The following CNTNAP2 variants were observed in gnomAD, a reference collection of about 807,000 sequenced individuals.
The protein encoded by CNTNAP2 is contactin-associated protein-like 2.
A neutral mutation model predicts 155.2 loss-of-function variants in CNTNAP2; 98 were observed. That is an observed-to-expected ratio of 0.63 (90% confidence interval 0.54 to 0.75). The LOEUF is 0.75. CNTNAP2 is among the 30% of genes least tolerant of loss of function. CNTNAP2 has a pLI of 0.00. For missense variants in CNTNAP2, 1,727 were observed against 1,688.1 expected (o/e 1.02, Z -0.40); for synonymous variants, 651 against 631.2 (o/e 1.03, Z -0.47).
At chr7:147,354,637 A>G (rs1181783807) in intron 9 of CNTNAP2, among the ~76,000 whole-genome samples, 4 of 152,090 alleles carry the variant, frequency 2.6e-5, no homozygotes, top group African/African-American at 7.2e-5. Context: ...TTGGTTCCAT[A>G]TGAAATTTAA....
intron 1 of CNTNAP2, among the ~76,000 whole-genome samples, chr7:146,298,138 G>C (rs1800545760): frequency 6.6e-6 from 1 of 152,300 alleles, no homozygotes; most frequent in South Asian, 2.1e-4. Context: ...AATAAGGCAA[G>C]GGAGGACAAG....
Position 148,405,497 on chromosome 7 carries a change from G to A in CNTNAP2, c.3716-3894G>A, listed in dbSNP as rs377131119. 7.1e-4 allele frequency among the ~76,000 whole-genome samples: 98 copies of A among 137,246 alleles called. No individual in the cohort carries two copies. The Middle Eastern group carries it at 0.021, about 29-fold the overall frequency. The allele number at this position is 137,246 out of a possible 152,430, so 90.0% of individuals were successfully genotyped here. ...GGGTGGAGTGCAGTGGTGCAATCTC[G>A]GCTCGCTACAACCTCCGCCTCCCAG... On this transcript the variant is annotated intron_variant, in intron 22 of 23. Coordinates refer to ENST00000361727, the MANE Select transcript of CNTNAP2 (RefSeq NM_014141.6).
chr7:147,997,861 T>C (rs758494215), intron 15 of CNTNAP2, among the ~76,000 whole-genome samples: 2 of 152,118 alleles, frequency 1.3e-5, no homozygotes, highest in African/African-American at 2.4e-5. Context: ...TGTTCATACG[T>C]CTCATGTCTC....
At chr7:146,933,886 A>G (rs1796845811) in intron 3 of CNTNAP2, among the ~76,000 whole-genome samples, 2 of 151,828 alleles carry the variant, frequency 1.3e-5, no homozygotes, top group Non-Finnish European at 3.0e-5. Context: ...CAAAACCACA[A>G]TGAGATACCA....
At chr7:146,667,182 T>A (rs948079463) in intron 1 of CNTNAP2, among the ~76,000 whole-genome samples, 2 of 152,220 alleles carry the variant, frequency 1.3e-5, no homozygotes, top group Non-Finnish European at 2.9e-5. Flanking sequence ...GGTGGGGGAT[T>A]AGTTACTTTC....
chr7:148,269,516 G>C (rs528443990), intron 21 of CNTNAP2, among the ~76,000 whole-genome samples: 5 of 152,220 alleles, frequency 3.3e-5, no homozygotes, highest in Non-Finnish European at 7.3e-5. Flanking sequence ...CCAATGAAAT[G>C]AGATCCCTGA....
chr7:146,939,363 A>G (rs1257547815), intron 3 of CNTNAP2, among the ~76,000 whole-genome samples: 1 of 152,236 alleles, frequency 6.6e-6, no homozygotes. Flanking sequence ...AATTCAATAT[A>G]GCAAATGTGC....
intron 1 of CNTNAP2, among the ~76,000 whole-genome samples, chr7:146,643,478 A>G (rs938002913): frequency 7.2e-5 from 11 of 152,040 alleles, no homozygotes; most frequent in East Asian, 3.9e-4. Context: ...GTAGATATGC[A>G]GCGTTATTTC....
chr7:146,568,239 C>T (rs1459035096), intron 1 of CNTNAP2, among the ~76,000 whole-genome samples: 2 of 152,118 alleles, frequency 1.3e-5, no homozygotes, highest in Non-Finnish European at 2.9e-5. Flanking sequence ...GAACAGCATA[C>T]GTAATCTACT....
In CNTNAP2 at chr7:147,418,619, T is replaced by C. The variant is rs114785213; in HGVS notation, c.1670+22839T>C. ...CAGTGAGTCGTAATTAGGATTAGGC[T>C]TGGGAAACAAGTTCACTTATATTAT... On this transcript the variant is annotated intron_variant, in intron 10 of 23. Coordinates refer to ENST00000361727, the MANE Select transcript of CNTNAP2 (RefSeq NM_014141.6). Among the ~76,000 whole-genome samples the C allele has an allele frequency of 7.3e-3, 1,110 of 152,352 alleles. 15 individuals are homozygous for C. The highest frequency in any genetic ancestry group is 0.025 in the African/African-American group (1,035 of 41,570).
chr7:146,688,356 C>T (rs886562571), intron 1 of CNTNAP2, among the ~76,000 whole-genome samples: 1 of 152,026 alleles, frequency 6.6e-6, no homozygotes, highest in Non-Finnish European at 1.5e-5. Flanking sequence ...CCATGTGAAG[C>T]GACCACCACA....
intron 13 of CNTNAP2, among the ~76,000 whole-genome samples, chr7:147,756,824 C>T (rs1195351428): frequency 1.3e-5 from 2 of 152,092 alleles, no homozygotes; most frequent in Non-Finnish European, 2.9e-5. Context: ...AAGAAATAAA[C>T]CCTTCATCAG....
intron 1 of CNTNAP2, among the ~76,000 whole-genome samples, chr7:146,122,452 T>C (rs187396827): frequency 6.6e-6 from 1 of 152,352 alleles, no homozygotes; most frequent in Admixed American, 6.5e-5. Flanking sequence ...AATCTAGAAC[T>C]CAGAGAAGGG....
rs914500114 is a variant in CNTNAP2 at position 147,347,086 on chromosome 7, G to A, written c.1498+46796G>A. Among the ~76,000 whole-genome samples, 5 of 152,242 alleles carry A rather than the reference G, an allele frequency of 3.3e-5. 1 individual carries two copies. In the Middle Eastern group the frequency reaches 0.017, roughly 521 times the overall value. ...GGAAGAGATATAATTACAGAGGCAAGGCACTAGGGTAAAATTATCTTATCT... is the reference window on the plus strand; with the variant it reads ...GGAAGAGATATAATTACAGAGGCAAAGCACTAGGGTAAAATTATCTTATCT... On this transcript the variant is annotated intron_variant, in intron 9 of 23. Transcript: ENST00000361727.
rs536651956 is a variant in CNTNAP2, at chr7:146,793,369, C to T, written c.208+18988C>T. ...GTCTCTCAGGCATGTGTTAGTCCTT[C>T]TAGCAACATGCCAAGTCTGAGTAGC... is the stretch of plus-strand genomic sequence containing the variant. On this transcript the variant is annotated intron_variant, in intron 2 of 23. Coordinates refer to ENST00000361727, the MANE Select transcript of CNTNAP2 (RefSeq NM_014141.6). 1.4e-4 allele frequency among the ~76,000 whole-genome samples: 21 copies of T among 152,318 alleles called. No individual in the cohort carries two copies. In the South Asian group the frequency reaches 1.9e-3, roughly 14 times the overall value.
chr7:146,647,473 CTT>C (rs1362157199), intron 1 of CNTNAP2, among the ~76,000 whole-genome samples: 1 of 152,088 alleles, frequency 6.6e-6, no homozygotes, highest in Admixed American at 6.6e-5. Flanking sequence ...TCAAACTTCT[CTT>C]GTTTGTTTCT....
In CNTNAP2 at chr7:148,409,432, A is replaced by G. The variant is rs762144088; in HGVS notation, c.3757A>G (p.Ile1253Val). 5.0e-6 allele frequency: 8 copies of G among 1,613,810 alleles called. No individual in the cohort carries two copies. In the African/African-American group the frequency reaches 8.0e-5, roughly 16 times the overall value. Residue 1253 changes from isoleucine (I) to valine (V), a missense_variant, in exon 23 of 24, where the codon ATA becomes GTA. By Grantham distance (29) the Ile-to-Val change is conservative. Transcript: ENST00000361727. Reference sequence around the variant, plus strand: ...ATATAATCCAGGACAAGGCCAAGCTATAAGAAATGGAGTCAACAGAAACTC... The same window carrying G: ...ATATAATCCAGGACAAGGCCAAGCTGTAAGAAATGGAGTCAACAGAAACTC... Reference protein sequence around the residue: ...FPYNPGQGQAIRNGVNRNSAI... With the variant: ...FPYNPGQGQAVRNGVNRNSAI...
At chr7:147,980,800 G>A (rs961326574) in intron 15 of CNTNAP2, among the ~76,000 whole-genome samples, 12 of 151,340 alleles carry the variant, frequency 7.9e-5, no homozygotes, top group African/African-American at 1.5e-4. Flanking sequence ...GCGTGGTGGC[G>A]GGCACCTGTA....
intron 8 of CNTNAP2, among the ~76,000 whole-genome samples, chr7:147,257,374 C>T (rs1025229153): frequency 9.2e-5 from 14 of 152,278 alleles, no homozygotes; most frequent in East Asian, 3.9e-4. Flanking sequence ...ATCCTTGCAG[C>T]GGCCCACTCA....
Sources: gnomAD v4.1 joint callset for allele counts (sites outside exome capture counted in the v4.1 genomes callset) on GRCh38, gnomAD v4.1.1 for gene constraint, MANE v1.5 for transcripts, NCBI Gene and HGNC (gene_info 2026-07-23, HGNC 2026-07-21) for gene names.